The following AMPH variants were observed in gnomAD, a reference collection of about 807,000 sequenced individuals.
AMPH encodes amphiphysin.
Under a neutral mutation model 99.1 loss-of-function variants are expected in AMPH, and 49 were observed. The ratio of observed to expected loss-of-function variants is 0.49; its 90% CI spans 0.39 to 0.63. The LOEUF (loss-of-function observed/expected upper bound fraction) is 0.63. Ranked by LOEUF, AMPH falls within the 20% of genes least tolerant of loss-of-function variation. AMPH has a pLI of 0.00. For missense variants in AMPH, 759 were observed against 863.4 expected (o/e 0.88, Z 1.52); for synonymous variants, 314 against 317.3 (o/e 0.99, Z 0.11).
chr7:38,627,944 G>A (rs1039376115), intron 1 of AMPH, among the ~76,000 whole-genome samples: 3 of 152,034 alleles, frequency 2.0e-5, no homozygotes, highest in Admixed American at 6.6e-5. Flanking sequence ...ATTCAACCAC[G>A]CAAAAGAGAA....
intron 12 of AMPH, among the ~76,000 whole-genome samples, chr7:38,434,020 T>C: frequency 6.6e-6 from 1 of 152,154 alleles, no homozygotes; most frequent in Non-Finnish European, 1.5e-5. Context: ...CTAACAGTGC[T>C]ATGCTTTTTT....
chr7:38,416,330 G>T (rs1208298958), intron 17 of AMPH, among the ~76,000 whole-genome samples: 1 of 151,946 alleles, frequency 6.6e-6, no homozygotes. Context: ...ACAGTAGCTT[G>T]TCTATTCCAC....
intron 1 of AMPH, among the ~76,000 whole-genome samples, chr7:38,563,163 A>ATGAG (rs1791616596): frequency 6.6e-6 from 1 of 151,832 alleles, no homozygotes; most frequent in African/African-American, 2.4e-5. Context: ...GAATGAATGA[A>ATGAG]TGAGTGAATG....
At chr7:38,554,485 G>C (rs182511168) in intron 1 of AMPH, among the ~76,000 whole-genome samples, 2 of 152,076 alleles carry the variant, frequency 1.3e-5, no homozygotes, top group African/African-American at 4.8e-5. Context: ...CTATAAATAT[G>C]CTTTAAAAAA....
chr7:38,532,752 AAC>A (rs35071101), intron 2 of AMPH, among the ~76,000 whole-genome samples: 34,231 of 147,426 alleles, frequency 0.23, 4,173 homozygotes, highest in Non-Finnish European at 0.29. Context: ...AAAAAAAAAA[AAC>A]AATGAAAATT....
intron 1 of AMPH, among the ~76,000 whole-genome samples, chr7:38,591,757 C>T (rs865936392): frequency 6.6e-6 from 1 of 152,230 alleles, no homozygotes; most frequent in Non-Finnish European, 1.5e-5. Context: ...ATCTTTACCA[C>T]CTCCCTAATT....
chr7:38,422,549 CCTACGTATCTAT>C, intron 15 of AMPH, 72 bp from the exon 16 acceptor site: 1 of 1,061,992 alleles, frequency 9.4e-7, no homozygotes, highest in South Asian at 1.3e-5. Flanking sequence ...ATTGTGTCTG[CCTACGTATCTAT>C]CTATCTATCT....
At chr7:38,465,625 G>T (rs1689358477) in intron 8 of AMPH, 76 bp from the exon 9 acceptor site, 2 of 1,313,122 alleles carry the variant, frequency 1.5e-6, no homozygotes, top group African/African-American at 2.9e-5. Flanking sequence ...CCCCAAGAAA[G>T]AAATTGCTTA....
intron 2 of AMPH, among the ~76,000 whole-genome samples, chr7:38,533,944 A>G (rs1790503569): frequency 1.3e-5 from 2 of 152,174 alleles, no homozygotes; most frequent in Non-Finnish European, 2.9e-5. Flanking sequence ...TCCAAGCCTT[A>G]GAGATCAAGA....
At chr7:38,592,870 T>C (rs184613725) in intron 1 of AMPH, among the ~76,000 whole-genome samples, 13 of 152,264 alleles carry the variant, frequency 8.5e-5, no homozygotes, top group Admixed American at 3.9e-4. Context: ...GCTGAATAAA[T>C]AGGAGCATTG....
At chr7:38,559,675 T>C (rs1791489355) in intron 1 of AMPH, among the ~76,000 whole-genome samples, 1 of 152,228 alleles carries the variant, frequency 6.6e-6, no homozygotes, top group South Asian at 2.1e-4. Flanking sequence ...ATAATATAGG[T>C]ACATTACTAG....
intron 20 of AMPH, among the ~76,000 whole-genome samples, chr7:38,386,458 T>C (rs1784351155): frequency 6.6e-6 from 1 of 152,144 alleles, no homozygotes; most frequent in African/African-American, 2.4e-5. Context: ...CCAACACATA[T>C]AATCTGAAAG....
chr7:38,389,689 C>G, intron 20 of AMPH, 115 bp downstream of exon 20: 1 of 832,754 alleles, frequency 1.2e-6, no homozygotes, highest in Non-Finnish European at 2.0e-6. Flanking sequence ...AAGCCCTTTT[C>G]AGATGGCTTG....
chr7:38,603,286 A>G (rs754467594), intron 1 of AMPH, among the ~76,000 whole-genome samples: 5 of 145,284 alleles, frequency 3.4e-5, no homozygotes, highest in Admixed American at 1.4e-4. Context: ...ACTGCATTCC[A>G]GCCTGGTGAC....
intron 2 of AMPH, among the ~76,000 whole-genome samples, chr7:38,518,956 A>G (rs1308929125): frequency 6.6e-6 from 1 of 152,222 alleles, no homozygotes; most frequent in Admixed American, 6.5e-5. Context: ...TTAAGAGATG[A>G]TTAGGTCATG....
intron 3 of AMPH, among the ~76,000 whole-genome samples, chr7:38,499,794 G>A (rs1292103241): frequency 6.6e-6 from 1 of 152,304 alleles, no homozygotes; most frequent in Non-Finnish European, 1.5e-5. Flanking sequence ...GGAGGGACCT[G>A]GTGGGAAGTA....
chr7:38,563,849 G>A (rs968971541), intron 1 of AMPH, among the ~76,000 whole-genome samples: 16 of 152,022 alleles, frequency 1.1e-4, no homozygotes, highest in Middle Eastern at 3.2e-3. Context: ...CTTTTACTGC[G>A]ATTACTTATT....
rs76749349 is a variant in AMPH, at chr7:38,513,037, C to A, written c.151-9333G>T. Among the ~76,000 whole-genome samples, 928 of 152,238 alleles carry A rather than the reference C, an allele frequency of 6.1e-3. 11 individuals carry two copies. Among genetic ancestry groups the A allele is most frequent in the African/African-American group, 0.021 (890 of 41,548 alleles). ...TGCAGAACAGTTTGAAAAGCAAGGG[C>A]CGTTACATTCTTTTGACACCTACAG... On this transcript the variant is annotated intron_variant, in intron 2 of 20. Coordinates refer to ENST00000356264, the MANE Select transcript of AMPH (RefSeq NM_001635.4).
intron 11 of AMPH, among the ~76,000 whole-genome samples, chr7:38,452,269 TA>T (rs1286163956): frequency 1.3e-5 from 2 of 152,158 alleles, no homozygotes; most frequent in Non-Finnish European, 1.5e-5. Flanking sequence ...ATGACTCATT[TA>T]AAAAAATTAA....
Sources: gnomAD v4.1 joint callset for allele counts (sites outside exome capture counted in the v4.1 genomes callset) on GRCh38, gnomAD v4.1.1 for gene constraint, MANE v1.5 for transcripts, NCBI Gene and HGNC (gene_info 2026-07-23, HGNC 2026-07-21) for gene names.